The following DCBLD2 variants were observed in gnomAD, a reference collection of about 807,000 sequenced individuals.
DCBLD2 encodes discoidin, CUB and LCCL domain containing 2, also known as discoidin, CUB and LCCL domain-containing protein 2.
DCBLD2 carries 54 observed loss-of-function variants against 86.8 expected under a neutral mutation model. The observed-to-expected ratio is 0.62, with a 90% confidence interval of 0.50 to 0.78. DCBLD2 has a LOEUF of 0.78. Ranked by LOEUF, DCBLD2 falls within the 30% of genes least tolerant of loss-of-function variation. The pLI, the probability that DCBLD2 is intolerant of heterozygous loss-of-function variation, is 0.00. For synonymous variants in DCBLD2, 354 were observed against 341.3 expected, an observed-to-expected ratio of 1.04 and a Z score of -0.41; for missense variants, 908 against 954.2, an observed-to-expected ratio of 0.95 and a Z score of 0.64.
At chr3:98,890,687 C>A (rs1425248203) in intron 1 of DCBLD2, among the ~76,000 whole-genome samples, 1 of 151,978 alleles carries the variant, frequency 6.6e-6, no homozygotes, top group Non-Finnish European at 1.5e-5. Context: ...CATATCTCCC[C>A]TCCCTCCTTC....
intron 2 of DCBLD2, among the ~76,000 whole-genome samples, chr3:98,872,677 G>A (rs1943299744): frequency 6.6e-6 from 1 of 152,050 alleles, no homozygotes; most frequent in Non-Finnish European, 1.5e-5. Context: ...GATAGTAAAT[G>A]ATTAAGACAA....
chr3:98,901,050 T>G (rs978170073), intron 1 of DCBLD2, 72 bp downstream of exon 1: 2 of 1,533,216 alleles, frequency 1.3e-6, no homozygotes, highest in Admixed American at 2.0e-5. Flanking sequence ...GTCTGCAGAT[T>G]TGTTCAGGGG....
chr3:98,892,169 C>T (rs1943673194), intron 1 of DCBLD2, among the ~76,000 whole-genome samples: 1 of 152,132 alleles, frequency 6.6e-6, no homozygotes, highest in Non-Finnish European at 1.5e-5. Flanking sequence ...AGATCCTGGA[C>T]ACTTAACTGC....
chr3:98,882,462 C>G (rs1002039068), intron 1 of DCBLD2, among the ~76,000 whole-genome samples: 1 of 151,836 alleles, frequency 6.6e-6, no homozygotes, highest in Non-Finnish European at 1.5e-5. Context: ...TTCTGGGGTA[C>G]ATGTGCACAA....
rs2107539759 is a variant in DCBLD2, at chr3:98,901,391, C to A, written c.-65G>T. Reference sequence around the variant, plus strand: ...CGGCAGCCCCGCGCGCCTCTGGCCGCGGCACCCGACCAGGAGACGGCGGCA... The same window carrying A: ...CGGCAGCCCCGCGCGCCTCTGGCCGAGGCACCCGACCAGGAGACGGCGGCA... On this transcript the variant is annotated 5_prime_UTR_variant, in exon 1 of 16. Coordinates refer to ENST00000326840, the MANE Select transcript of DCBLD2 (RefSeq NM_080927.4). 3.2e-6 allele frequency: 4 copies of A among 1,257,888 alleles called. No homozygotes were observed. Among genetic ancestry groups the A allele is most frequent in the Middle Eastern group, 3.0e-4 (1 of 3,310 alleles). 77.9% of individuals were successfully genotyped at this position (1,257,888 alleles called of 1,614,324 possible).
chr3:98,897,953 A>G (rs1384099482), intron 1 of DCBLD2, among the ~76,000 whole-genome samples: 1 of 152,108 alleles, frequency 6.6e-6, no homozygotes, highest in Admixed American at 6.5e-5. Flanking sequence ...TCAACTTCCA[A>G]TAAATTTAAT....
chr3:98,857,361 G>A (rs147233084), intron 2 of DCBLD2, among the ~76,000 whole-genome samples: 1 of 152,202 alleles, frequency 6.6e-6, no homozygotes, highest in Non-Finnish European at 1.5e-5. Context: ...GACCCAAGCT[G>A]GGTTGCCACT....
chr3:98,851,465 A>T (rs1020814591), intron 2 of DCBLD2, among the ~76,000 whole-genome samples: 4 of 152,234 alleles, frequency 2.6e-5, no homozygotes, highest in African/African-American at 9.6e-5. Flanking sequence ...AAAACATTCC[A>T]TGCTCGTGGA....
In DCBLD2 at chr3:98,812,196, T is replaced by C. The variant is rs568299670; in HGVS notation, c.1363+136A>G. ...AATAGGGTAACCATTTTTTTTAACA[T>C]CCCTTTAAGAAGATATTGTAATTAG... On this transcript the variant is annotated intron_variant, in intron 10 of 15. Transcript: ENST00000326840. The C allele has an allele frequency of 3.3e-6, 4 of 1,203,102 alleles. No homozygotes were observed. In the South Asian group the frequency reaches 7.1e-5, roughly 21 times the overall value. The allele number at this position is 1,203,102 out of a possible 1,614,324, so 74.5% of individuals were successfully genotyped here.
chr3:98,819,516 T>C (rs1242619484), intron 7 of DCBLD2, 99 bp from the exon 8 acceptor site: 10 of 1,165,242 alleles, frequency 8.6e-6, no homozygotes, highest in Admixed American at 8.3e-5. Flanking sequence ...TTAATTAACA[T>C]ACACTACACT....
chr3:98,859,676 A>G (rs190978767), intron 2 of DCBLD2, among the ~76,000 whole-genome samples: 27 of 152,366 alleles, frequency 1.8e-4, no homozygotes, highest in East Asian at 1.9e-4. Flanking sequence ...GACTGTTAAA[A>G]GGAAAATTAA....
chr3:98,845,513 T>C (rs1417007451), intron 3 of DCBLD2, among the ~76,000 whole-genome samples: 2 of 152,224 alleles, frequency 1.3e-5, no homozygotes, highest in Non-Finnish European at 2.9e-5. Flanking sequence ...CATCTCTGCT[T>C]TGCCTCCTCG....
intron 2 of DCBLD2, among the ~76,000 whole-genome samples, chr3:98,876,416 A>G (rs1943372445): frequency 6.9e-5 from 1 of 14,518 alleles, no homozygotes; most frequent in African/African-American, 1.3e-4. Flanking sequence ...AAAAAGTAAA[A>G]AAAAAAAAAA....
chr3:98,834,016 CCA>C (rs1485142322), intron 3 of DCBLD2, among the ~76,000 whole-genome samples: 1 of 152,160 alleles, frequency 6.6e-6, no homozygotes, highest in Non-Finnish European at 1.5e-5. Context: ...GCTCTGGTCC[CCA>C]GTCACCTCGG....
intron 3 of DCBLD2, among the ~76,000 whole-genome samples, chr3:98,834,204 G>A (rs1469936674): frequency 7.8e-6 from 1 of 128,498 alleles, no homozygotes; most frequent in African/African-American, 2.9e-5. Context: ...TACCTATTTT[G>A]GGGAGTACAT....
At chr3:98,901,024 C>A in intron 1 of DCBLD2, 98 bp downstream of exon 1, 1 of 1,519,906 alleles carries the variant, frequency 6.6e-7, no homozygotes, top group South Asian at 1.2e-5. Context: ...GAAAGCGCAC[C>A]GCGCCTCCCT....
At chr3:98,854,135 T>C (rs1460500391) in intron 2 of DCBLD2, among the ~76,000 whole-genome samples, 2 of 152,206 alleles carry the variant, frequency 1.3e-5, no homozygotes, top group Non-Finnish European at 2.9e-5. Context: ...TGAGAGGCAG[T>C]GATGCCCTCA....
chr3:98,901,384 C>T lies in DCBLD2; in HGVS notation c.-58G>A, dbSNP rs976732210. 2 of 1,263,444 alleles carry T rather than the reference C, an allele frequency of 1.6e-6. No homozygotes were observed. The highest frequency in any genetic ancestry group is 1.6e-5 in the African/African-American group (1 of 63,946). 78.3% of individuals were successfully genotyped at this position (1,263,444 alleles called of 1,614,324 possible). ...GGTGCCTCGGCAGCCCCGCGCGCCT[C>T]TGGCCGCGGCACCCGACCAGGAGAC... On this transcript the variant is annotated 5_prime_UTR_variant, in exon 1 of 16. Coordinates refer to ENST00000326840, the MANE Select transcript of DCBLD2 (RefSeq NM_080927.4).
chr3:98,810,597 CTAT>C (rs1301868969), intron 12 of DCBLD2, among the ~76,000 whole-genome samples: 1 of 152,080 alleles, frequency 6.6e-6, no homozygotes, highest in Non-Finnish European at 1.5e-5. Flanking sequence ...AGTAAGACTA[CTAT>C]GTTTTATGTA....
Sources: allele counts gnomAD v4.1 joint callset (sites outside exome capture counted in the v4.1 genomes callset), GRCh38; gene constraint gnomAD v4.1.1; transcripts MANE v1.5; gene names NCBI Gene and HGNC (gene_info 2026-07-23, HGNC 2026-07-21).